CTNNA1: variants seen among roughly 807,000 people sequenced by gnomAD.
CTNNA1 encodes catenin alpha 1, also known as catenin alpha-1.
In CTNNA1, 37 loss-of-function variants were observed where a neutral mutation model predicts 98.4. The observed-to-expected ratio is 0.38, with a 90% CI of 0.29 to 0.49. The LOEUF (loss-of-function observed/expected upper bound fraction) is 0.49, where lower values mean the gene tolerates loss of function less well. CTNNA1 is among the 20% of genes least tolerant of loss of function. The pLI is 0.95. For synonymous variants in CTNNA1, 404 were observed against 413.2 expected (o/e 0.98, Z 0.27); for missense variants, 761 against 1,147.2 (o/e 0.66, Z 4.86).
In CTNNA1 at chr5:138,815,242, C is replaced by T. The variant is rs576688495; in HGVS notation, c.588+2940C>T. On this transcript the variant is annotated intron_variant, in intron 5 of 17. Transcript: ENST00000302763. The stretch of plus-strand genomic sequence containing the variant: ...ATGTGTTTTTTTTTGAAAGTAGTAG[C>T]AAATGCCAAAGTTTTCTGAAATAAG... 2.0e-4 allele frequency among the ~76,000 whole-genome samples: 31 copies of T among 152,044 alleles called. 1 individual carries two copies. The South Asian group carries it at 3.3e-3, about 16-fold the overall frequency.
At chr5:138,851,484 G>A (rs770032078) in intron 7 of CTNNA1, among the ~76,000 whole-genome samples, 2 of 152,190 alleles carry the variant, frequency 1.3e-5, no homozygotes, top group Non-Finnish European at 2.9e-5. Flanking sequence ...CTGGCTGGGC[G>A]CGGTGGCTCA....
chr5:138,879,016 C>A (rs1428002258), intron 7 of CTNNA1, among the ~76,000 whole-genome samples: 2 of 151,838 alleles, frequency 1.3e-5, no homozygotes, highest in African/African-American at 4.8e-5. Context: ...TCAAGACCAG[C>A]CTGGCCAAGG....
Position 138,892,328 on chromosome 5 carries a change from G to GTTTTTTTTT in CTNNA1, c.1296+4707_1296+4715dup, listed in dbSNP as rs70982738. Reference sequence around the variant, plus strand: ...TGGAAAAAGAATATAAAATAGCTTAGTTTTTTTTTTTTTTTTTTTTTTTTT... The same window carrying GTTTTTTTTT: ...TGGAAAAAGAATATAAAATAGCTTAGTTTTTTTTTTTTTTTTTTTTTTTTTTTTTTTTTT... On this transcript the variant is annotated intron_variant, in intron 9 of 17. Transcript: ENST00000302763. 2.3e-4 allele frequency among the ~76,000 whole-genome samples: 18 copies of GTTTTTTTTT among 79,250 alleles called. 1 individual carries two copies. The highest frequency in any genetic ancestry group is 6.0e-4 in the African/African-American group (11 of 18,316). 52.0% of individuals were successfully genotyped at this position (79,250 alleles called of 152,430 possible).
chr5:138,808,968 A>T (rs1397713660), intron 3 of CTNNA1, among the ~76,000 whole-genome samples: 3 of 152,172 alleles, frequency 2.0e-5, no homozygotes, highest in African/African-American at 4.8e-5. Flanking sequence ...AGTTTCTAGG[A>T]AATGTTATAA....
At chr5:138,920,105 A>G (rs1288038287) in intron 11 of CTNNA1, among the ~76,000 whole-genome samples, 1 of 150,712 alleles carries the variant, frequency 6.6e-6, no homozygotes, top group East Asian at 2.0e-4. Context: ...CAGCCTCCCG[A>G]GTAGCTGGGA....
intron 7 of CTNNA1, among the ~76,000 whole-genome samples, chr5:138,828,822 A>AT (rs1760979476): frequency 6.6e-6 from 1 of 152,144 alleles, no homozygotes; most frequent in Non-Finnish European, 1.5e-5. Flanking sequence ...TGCATATTGA[A>AT]TTTTTTTAAA....
intron 13 of CTNNA1, among the ~76,000 whole-genome samples, chr5:138,926,743 T>C (rs1371994377): frequency 6.6e-6 from 1 of 152,174 alleles, no homozygotes; most frequent in Admixed American, 6.5e-5. Context: ...AAAAAGTCTC[T>C]TGACCCACAC....
intron 16 of CTNNA1, chr5:138,932,114 C>T (rs1021381633): frequency 2.1e-5 from 21 of 986,962 alleles, no homozygotes; most frequent in South Asian, 4.7e-5. Flanking sequence ...GCATTAATAA[C>T]GCAAAGTGCC....
chr5:138,866,273 CATTTATTTATTTATTTATTT>C (rs201730664), intron 7 of CTNNA1, among the ~76,000 whole-genome samples: 4,153 of 138,572 alleles, frequency 0.03, 197 homozygotes, highest in African/African-American at 0.1. Flanking sequence ...TGTTGTAACT[CATTTATTTATTTATTTATTT>C]ATTTATTTAT....
At chr5:138,789,956 C>T (rs1271585085) in intron 3 of CTNNA1, among the ~76,000 whole-genome samples, 4 of 152,102 alleles carry the variant, frequency 2.6e-5, no homozygotes, top group African/African-American at 9.7e-5. Flanking sequence ...TGAAATTTGT[C>T]TCTTGAATTT....
At chr5:138,854,901 T>C (rs570116715) in intron 7 of CTNNA1, among the ~76,000 whole-genome samples, 1 of 152,334 alleles carries the variant, frequency 6.6e-6, no homozygotes, top group East Asian at 1.9e-4. Context: ...TGAACTCACA[T>C]CTTTTGAGTA....
chr5:138,823,038 A>G (rs1391303247), intron 5 of CTNNA1, among the ~76,000 whole-genome samples: 2 of 152,224 alleles, frequency 1.3e-5, no homozygotes, highest in Non-Finnish European at 2.9e-5. Context: ...GTTTAAATTT[A>G]TACTCTAGGA....
chr5:138,769,780 G>A (rs1032178341), intron 1 of CTNNA1, among the ~76,000 whole-genome samples: 1 of 152,004 alleles, frequency 6.6e-6, no homozygotes, highest in Non-Finnish European at 1.5e-5. Flanking sequence ...TGATCCGCCC[G>A]CCTCGGCCTC....
intron 3 of CTNNA1, among the ~76,000 whole-genome samples, chr5:138,809,656 A>G (rs955667027): frequency 3.4e-4 from 51 of 152,072 alleles, no homozygotes; most frequent in African/African-American, 1.1e-3. Context: ...TCTGTATTCT[A>G]TGGATGTGAG....
In CTNNA1 at chr5:138,874,962, G is replaced by T; in HGVS notation, c.1063-11250G>T. On this transcript the variant is annotated intron_variant, in intron 7 of 17. Coordinates refer to ENST00000302763, the MANE Select transcript of CTNNA1 (RefSeq NM_001903.5). This position sits in a 1 kb window ranked among gnomAD's most constrained non-coding sequence, Gnocchi z 4.1. Reference sequence around the variant, plus strand: ...TTCAGTCGCGGTTGTTAGACTCAACGCAGTGAGTCTGTAAAAGGCTCTAAC... The same window carrying T: ...TTCAGTCGCGGTTGTTAGACTCAACTCAGTGAGTCTGTAAAAGGCTCTAAC... 6.2e-7 allele frequency: 1 copy of T among 1,607,406 alleles called. No homozygotes were observed. The highest frequency in any genetic ancestry group is 8.5e-7 in the Non-Finnish European group (1 of 1,175,040).
At chr5:138,825,498 TAGGG>T (rs1760611545) in intron 6 of CTNNA1, among the ~76,000 whole-genome samples, 7 of 103,996 alleles carry the variant, frequency 6.7e-5, no homozygotes, top group Non-Finnish European at 1.2e-4. Context: ...TTTTTTTTTT[TAGGG>T]CTTTAAAAGT....
intron 10 of CTNNA1, among the ~76,000 whole-genome samples, chr5:138,916,710 G>C (rs1280581852): frequency 2.0e-5 from 3 of 151,644 alleles, no homozygotes; most frequent in Non-Finnish European, 4.4e-5. Context: ...TGTTTATAGA[G>C]ATGGGGTCTC....
At chr5:138,907,643 A>G (rs1034984535) in intron 10 of CTNNA1, among the ~76,000 whole-genome samples, 4 of 152,220 alleles carry the variant, frequency 2.6e-5, no homozygotes, top group Admixed American at 6.5e-5. Context: ...GTTAATCAAC[A>G]TGTTAGGTAA....
intron 7 of CTNNA1, among the ~76,000 whole-genome samples, chr5:138,879,114 G>A (rs1296364433): frequency 6.8e-6 from 1 of 147,256 alleles, no homozygotes; most frequent in African/African-American, 2.5e-5. Flanking sequence ...GGAAGCGGAG[G>A]CAGGAGAATC....
Sources: gnomAD v4.1 joint callset for allele counts (sites outside exome capture counted in the v4.1 genomes callset) on GRCh38, gnomAD v4.1.1 for gene constraint, Gnocchi (gnomAD v3.1) non-coding constraint, MANE v1.5 for transcripts, NCBI Gene and HGNC (gene_info 2026-07-23, HGNC 2026-07-21) for gene names.